Variants in RBFOX1 observed in about 807,000 individuals in gnomAD.
RBFOX1 encodes RNA binding protein fox-1 homolog 1.
RBFOX1 carries 8 observed loss-of-function variants against 57.7 expected under a neutral mutation model. The observed-to-expected ratio is 0.14, with a 90% CI of 0.08 to 0.25. The LOEUF is 0.25. Among genes scored for constraint, RBFOX1 ranks in the 10% least tolerant of loss-of-function variants. RBFOX1 has a pLI of 1.00. For missense variants in RBFOX1, 611 were observed against 548.5 expected (o/e 1.11, Z -1.14); for synonymous variants, 326 against 222.4 (o/e 1.47, Z -4.15).
intron 3 of RBFOX1, among the ~76,000 whole-genome samples, chr16:6,936,176 G>C (rs540318443): frequency 6.6e-6 from 1 of 152,154 alleles, no homozygotes; most frequent in South Asian, 2.1e-4. Context: ...CAGTCATTGC[G>C]AGTTGTGCAA....
chr16:7,434,811 C>T (rs916274264), intron 4 of RBFOX1, among the ~76,000 whole-genome samples: 8 of 151,622 alleles, frequency 5.3e-5, no homozygotes, highest in Non-Finnish European at 1.2e-4. Flanking sequence ...GTGATCTCTG[C>T]TCACTGCAAC....
chr16:6,999,631 G>A (rs941928856), intron 3 of RBFOX1, among the ~76,000 whole-genome samples: 6 of 151,928 alleles, frequency 3.9e-5, no homozygotes, highest in South Asian at 2.1e-4. Context: ...CTTGTTTTGT[G>A]CTTTAATCTT....
intron 3 of RBFOX1, among the ~76,000 whole-genome samples, chr16:5,641,966 A>G (rs1469485554): frequency 2.0e-5 from 3 of 152,146 alleles, no homozygotes; most frequent in Non-Finnish European, 4.4e-5. Flanking sequence ...TACAGGTCTG[A>G]GGTGGGACTC....
chr16:6,678,464 T>C (rs1236318695), intron 3 of RBFOX1, among the ~76,000 whole-genome samples: 3 of 151,822 alleles, frequency 2.0e-5, no homozygotes. Flanking sequence ...GGTGTGTGTA[T>C]CTGTGTGCGT....
At chr16:6,153,118 G>A (rs1023674411) in intron 1 of RBFOX1, among the ~76,000 whole-genome samples, 1 of 149,844 alleles carries the variant, frequency 6.7e-6, no homozygotes, top group African/African-American at 2.5e-5. Context: ...ACATGAGTGA[G>A]TTCTTGAGTG....
chr16:5,467,938 G>A (rs1344766687), intron 2 of RBFOX1, among the ~76,000 whole-genome samples: 1 of 152,188 alleles, frequency 6.6e-6, no homozygotes, highest in African/African-American at 2.4e-5. Flanking sequence ...AATTTCCTGT[G>A]TAATAGGATT....
intron 3 of RBFOX1, among the ~76,000 whole-genome samples, chr16:6,977,678 A>T (rs746637084): frequency 6.6e-6 from 1 of 152,202 alleles, no homozygotes; most frequent in Non-Finnish European, 1.5e-5. Flanking sequence ...AGTGCCAAGC[A>T]CATTAGCACT....
intron 2 of RBFOX1, among the ~76,000 whole-genome samples, chr16:5,470,658 T>C (rs1262933237): frequency 2.0e-5 from 3 of 152,024 alleles, no homozygotes; most frequent in Non-Finnish European, 4.4e-5. Flanking sequence ...CATCTCTCTT[T>C]TTCTACCATG....
chr16:6,707,490 T>G (rs1305601924), intron 3 of RBFOX1, among the ~76,000 whole-genome samples: 1 of 151,514 alleles, frequency 6.6e-6, no homozygotes, highest in Non-Finnish European at 1.5e-5. Flanking sequence ...TTTTTTTTTT[T>G]TTTTGCTGTT....
chr16:6,483,575 T>G (rs1294924413), intron 2 of RBFOX1: 2 of 1,531,500 alleles, frequency 1.3e-6, no homozygotes, highest in Admixed American at 2.0e-5. Flanking sequence ...TCTAAAACAC[T>G]GTCAGGGAAG....
At chr16:5,821,987 A>G (rs2055873821) in intron 3 of RBFOX1, among the ~76,000 whole-genome samples, 1 of 152,220 alleles carries the variant, frequency 6.6e-6, no homozygotes, top group Non-Finnish European at 1.5e-5. Flanking sequence ...GGGGACACAA[A>G]CATTCAGAGC....
intron 4 of RBFOX1, among the ~76,000 whole-genome samples, chr16:7,160,794 C>T (rs1274508892): frequency 2.0e-5 from 3 of 147,088 alleles, no homozygotes; most frequent in Admixed American, 6.8e-5. Context: ...TCTCCCTCCT[C>T]CGTCTCCCCC....
At chr16:5,944,810 T>A (rs1262966290) in intron 4 of RBFOX1, among the ~76,000 whole-genome samples, 32 of 35,952 alleles carry the variant, frequency 8.9e-4, no homozygotes, top group Admixed American at 1.3e-3. Flanking sequence ...AAAAAAAAAA[T>A]TAGCTGGGTG....
chr16:6,507,507 C>CAAAAAAAAAAAAAAA lies in RBFOX1; in HGVS notation c.-63-147092_-63-147078dup, dbSNP rs57685233. Among the ~76,000 whole-genome samples, 4 of 97,204 alleles carry CAAAAAAAAAAAAAAA rather than the reference C, an allele frequency of 4.1e-5. 1 individual carries two copies. The highest frequency in any genetic ancestry group is 5.8e-5 in the Non-Finnish European group (3 of 52,134). 63.8% of individuals were successfully genotyped at this position (97,204 alleles called of 152,430 possible). A position where few individuals can be genotyped will look rare whatever the true frequency, so the allele number is the denominator to read the frequency against. On this transcript the variant is annotated intron_variant, in intron 2 of 15. Transcript: ENST00000550418. Reference sequence around the variant, plus strand: ...GCAACATAACAAGACCCTATCTGTACAAAAAAAAAAAAAAAAAAGCCTGGC... The same window carrying CAAAAAAAAAAAAAAA: ...GCAACATAACAAGACCCTATCTGTACAAAAAAAAAAAAAAAAAAAAAAAAAAAAAAAAAGCCTGGC...
chr16:7,402,475 T>G (rs948271077), intron 4 of RBFOX1, among the ~76,000 whole-genome samples: 3 of 152,230 alleles, frequency 2.0e-5, no homozygotes, highest in African/African-American at 7.2e-5. Flanking sequence ...TTTGAGAATT[T>G]CTGCCGAGAG....
chr16:6,513,910 G>T (rs887530405), intron 2 of RBFOX1, among the ~76,000 whole-genome samples: 18 of 152,154 alleles, frequency 1.2e-4, no homozygotes, highest in Admixed American at 1.0e-3. Flanking sequence ...GGCTGAAAGA[G>T]ATCCCCAAGT....
At position 6,668,476 on chromosome 16, in the gene RBFOX1, T is replaced by C. The variant is rs138255915; in HGVS notation, c.-16+13826T>C. ...ATGCCTGTTTTCCTTATGTTTTGGA[T>C]TTGCAGCTTAACAAGGCACTGGTAT... On this transcript the variant is annotated intron_variant, in intron 3 of 15. Coordinates refer to ENST00000550418, the MANE Select transcript of RBFOX1 (RefSeq NM_018723.4). Among the ~76,000 whole-genome samples, 681 of 152,330 alleles carry C rather than the reference T, an allele frequency of 4.5e-3. 8 individuals are homozygous for C. The highest frequency in any genetic ancestry group is 0.015 in the African/African-American group (613 of 41,570).
chr16:7,421,953 A>C (rs1271354045), intron 4 of RBFOX1, among the ~76,000 whole-genome samples: 3 of 152,206 alleles, frequency 2.0e-5, no homozygotes, highest in African/African-American at 4.8e-5. Flanking sequence ...CCCAGTCCCT[A>C]AAGCCATATC....
chr16:6,305,724 C>T (rs1380943630), intron 1 of RBFOX1, among the ~76,000 whole-genome samples: 1 of 151,464 alleles, frequency 6.6e-6, no homozygotes, highest in Admixed American at 6.6e-5. Flanking sequence ...ATTTCCACCT[C>T]GTGCATTGGA....
Sources: gnomAD v4.1 joint callset for allele counts (sites outside exome capture counted in the v4.1 genomes callset) on GRCh38, gnomAD v4.1.1 for gene constraint, MANE v1.5 for transcripts, NCBI Gene and HGNC (gene_info 2026-07-23, HGNC 2026-07-21) for gene names.